RPA1: variants seen among roughly 807,000 people sequenced by gnomAD.
RPA1 encodes the protein replication protein A 70 kDa DNA-binding subunit.
Under a neutral mutation model 83.0 loss-of-function variants are expected in RPA1, and 49 were observed. That is an observed-to-expected ratio of 0.59 (90% CI 0.47 to 0.75). The LOEUF is 0.75. Ranked by LOEUF, RPA1 falls within the 30% of genes least tolerant of loss-of-function variation. The pLI, the probability that RPA1 is intolerant of heterozygous loss-of-function variation, is 0.00. For missense variants in RPA1, 693 were observed against 776.1 expected (o/e 0.89, Z 1.27); for synonymous variants, 279 against 281.8 (o/e 0.99, Z 0.10).
intron 4 of RPA1, among the ~76,000 whole-genome samples, chr17:1,851,812 G>A (rs1376796110): frequency 6.9e-6 from 1 of 145,482 alleles, no homozygotes; most frequent in Non-Finnish European, 1.6e-5. Context: ...GATAATTTCA[G>A]GCTTATCTTA....
intron 5 of RPA1, among the ~76,000 whole-genome samples, chr17:1,871,152 GA>G (rs1235299914): frequency 2.0e-5 from 3 of 152,120 alleles, no homozygotes; most frequent in African/African-American, 7.2e-5. Context: ...AGAGATAATG[GA>G]AAAGCCAAAA....
At chr17:1,886,953 C>T (rs915852831) in intron 13 of RPA1, among the ~76,000 whole-genome samples, 6 of 152,108 alleles carry the variant, frequency 3.9e-5, no homozygotes, top group Admixed American at 3.3e-4. Context: ...AGCCACTGCA[C>T]CTGGCCTCTT....
At chr17:1,880,297 C>T (rs552917458) in intron 11 of RPA1, among the ~76,000 whole-genome samples, 1 of 152,244 alleles carries the variant, frequency 6.6e-6, no homozygotes, top group East Asian at 1.9e-4. Context: ...CTTTATCTTA[C>T]TTCTGTGAGA....
intron 1 of RPA1, among the ~76,000 whole-genome samples, 194 bp downstream of exon 1, chr17:1,830,320 C>G (rs1001486969): frequency 2.0e-5 from 3 of 152,206 alleles, no homozygotes; most frequent in African/African-American, 4.8e-5. Flanking sequence ...TTTCGATCGT[C>G]TTTAAAACAT....
rs755151366 is a variant in RPA1 at position 1,897,559 on chromosome 17, C to G, written c.*384C>G. 19 of 164,860 alleles carry G rather than the reference C, an allele frequency of 1.2e-4. No individual in the cohort carries two copies. Among genetic ancestry groups the G allele is most frequent in the East Asian group, 9.0e-4 (5 of 5,582 alleles). 10.2% of individuals were successfully genotyped at this position (164,860 alleles called of 1,614,324 possible). A position where few individuals can be genotyped will look rare whatever the true frequency, so the allele number is the denominator to read the frequency against. ...CTTCTCCAGTGGTGACCACCCCCCC[C>G]CATCCCCGCTCACAACTTGGGTTCT... On this transcript the variant is annotated 3_prime_UTR_variant, in exon 17 of 17. Coordinates refer to ENST00000254719, the MANE Select transcript of RPA1 (RefSeq NM_002945.5).
intron 5 of RPA1, among the ~76,000 whole-genome samples, chr17:1,863,360 C>T (rs1022160281): frequency 4.6e-5 from 7 of 151,764 alleles, no homozygotes; most frequent in African/African-American, 1.5e-4. Context: ...TACAGGTGCC[C>T]GCCACCACAC....
Position 1,879,254 on chromosome 17 carries a change from A to G in RPA1, c.799A>G (p.Lys267Glu), listed in dbSNP as rs1362351723. 1 of 1,614,128 alleles carries G rather than the reference A, an allele frequency of 6.2e-7. No individual in the cohort carries two copies. The highest frequency in any genetic ancestry group is 8.5e-7 in the Non-Finnish European group (1 of 1,180,022). Residue 267 changes from lysine (K) to glutamate (E), a missense_variant, in exon 10 of 17, where the codon AAG becomes GAG. Lys to Glu is a moderately conservative substitution (Grantham distance 56, BLOSUM62 1). Transcript: ENST00000254719. ...FSKGTLKIAN[K>E]QFTAVKNDYE... ...GAAAGGCACCCTGAAGATTGCTAAC[A>G]AGCAGTTCACAGCTGTTAAAAATGA...
rs532983064 is a variant in RPA1 at position 1,870,850 on chromosome 17, G to T, written c.362-1584G>T. Among the ~76,000 whole-genome samples the T allele has an allele frequency of 2.0e-5, 3 of 152,322 alleles. No homozygotes were observed. In the East Asian group the frequency reaches 5.8e-4, roughly 29 times the overall value. The stretch of plus-strand genomic sequence containing the variant: ...TTTGGAGATGATAGAAGAGAGGGAG[G>T]AAGTCGGAGGGAGTGTAGCAGGGGC... On this transcript the variant is annotated intron_variant, in intron 5 of 16. Transcript: ENST00000254719.
At chr17:1,883,625 T>A (rs541190579) in intron 12 of RPA1, among the ~76,000 whole-genome samples, 187 bp from the exon 13 acceptor site, 587 of 152,176 alleles carry the variant, frequency 3.9e-3, no homozygotes, top group Admixed American at 6.6e-3. Context: ...CAATTTTTTT[T>A]AATTTAAATA....
intron 5 of RPA1, among the ~76,000 whole-genome samples, chr17:1,868,058 T>C (rs1417281250): frequency 6.6e-6 from 1 of 151,872 alleles, no homozygotes; most frequent in East Asian, 1.9e-4. Context: ...TACTCCAACC[T>C]GGGCATTGGA....
intron 5 of RPA1, among the ~76,000 whole-genome samples, chr17:1,853,949 T>C (rs1912594808): frequency 6.6e-6 from 1 of 152,196 alleles, no homozygotes; most frequent in East Asian, 1.9e-4. Flanking sequence ...GTAGAGATCA[T>C]GTTTGTTCTA....
intron 4 of RPA1, among the ~76,000 whole-genome samples, chr17:1,844,978 G>A (rs1052919830): frequency 3.9e-5 from 6 of 152,030 alleles, no homozygotes; most frequent in African/African-American, 1.4e-4. Flanking sequence ...TGGTAGAAAC[G>A]GGGTTTTGCC....
At chr17:1,855,188 A>G (rs755641425) in intron 5 of RPA1, among the ~76,000 whole-genome samples, 36 of 151,754 alleles carry the variant, frequency 2.4e-4, no homozygotes, top group Non-Finnish European at 4.4e-4. Flanking sequence ...TTTTTGAGAC[A>G]GTCTCATTGC....
chr17:1,886,368 A>G lies in RPA1; in HGVS notation c.1375-2307A>G, dbSNP rs74891357. 7.1e-3 allele frequency among the ~76,000 whole-genome samples: 1,082 copies of G among 152,360 alleles called. 9 individuals are homozygous for G. Among genetic ancestry groups the G allele is most frequent in the African/African-American group, 0.024 (990 of 41,596 alleles). ...AGCCCTAAGATTTTTGACATGGTCA[A>G]TGAGCACTGGCTTCACCTTATAGTC... On this transcript the variant is annotated intron_variant, in intron 13 of 16. Coordinates refer to ENST00000254719, the MANE Select transcript of RPA1 (RefSeq NM_002945.5).
intron 14 of RPA1, among the ~76,000 whole-genome samples, chr17:1,890,940 G>A (rs1030648291): frequency 1.3e-5 from 2 of 152,198 alleles, no homozygotes; most frequent in African/African-American, 4.8e-5. Context: ...GAAGGATAGC[G>A]TGGGTTAAAG....
At chr17:1,847,136 G>T (rs1912292906) in intron 4 of RPA1, among the ~76,000 whole-genome samples, 1 of 152,084 alleles carries the variant, frequency 6.6e-6, no homozygotes, top group African/African-American at 2.4e-5. Flanking sequence ...TTTATGCATT[G>T]TTGTGTATTG....
intron 5 of RPA1, among the ~76,000 whole-genome samples, chr17:1,856,647 A>T (rs1031247058): frequency 2.6e-5 from 4 of 151,002 alleles, no homozygotes; most frequent in Non-Finnish European, 5.9e-5. Context: ...TATTTATTTA[A>T]TTTTTATTTT....
chr17:1,849,750 A>C (rs547623333), intron 4 of RPA1, among the ~76,000 whole-genome samples: 2 of 151,762 alleles, frequency 1.3e-5, no homozygotes, highest in African/African-American at 4.8e-5. Flanking sequence ...TTGATCGTGG[A>C]AAAACGCGCA....
Position 1,860,363 on chromosome 17 carries a change from C to T in RPA1, c.361+7174C>T, listed in dbSNP as rs1026415137. On this transcript the variant is annotated intron_variant, in intron 5 of 16. Coordinates refer to ENST00000254719, the MANE Select transcript of RPA1 (RefSeq NM_002945.5). ...GCGGGGTCTCACTTTGTTGCCCAGG[C>T]TGGTCTCAAACTCCTGGCCTCAATC... Among the ~76,000 whole-genome samples, 7 of 152,238 alleles carry T rather than the reference C, an allele frequency of 4.6e-5. No homozygotes were observed. The South Asian group carries it at 1.5e-3, about 32-fold the overall frequency.
Sources: gnomAD v4.1 joint callset for allele counts (sites outside exome capture counted in the v4.1 genomes callset) on GRCh38, gnomAD v4.1.1 for gene constraint, MANE v1.5 for transcripts, NCBI Gene and HGNC (gene_info 2026-07-23, HGNC 2026-07-21) for gene names.